BMPR1B: variants seen among roughly 807,000 people sequenced by gnomAD.
The protein encoded by BMPR1B is bone morphogenetic protein receptor type-1B.
BMPR1B carries 12 observed loss-of-function variants against 59.1 expected under a neutral mutation model. The observed-to-expected ratio is 0.20, with a 90% CI of 0.13 to 0.33. The LOEUF is 0.33. Among genes scored for constraint, BMPR1B ranks in the 10% least tolerant of loss-of-function variants. The pLI is 1.00. For synonymous variants in BMPR1B, 237 were observed against 207.3 expected (o/e 1.14, Z -1.23); for missense variants, 550 against 610.9 (o/e 0.90, Z 1.05).
intron 6 of BMPR1B, among the ~76,000 whole-genome samples, chr4:95,116,419 G>GCACA (rs1168592798): frequency 0.013 from 683 of 51,048 alleles, 1 homozygote; most frequent in African/African-American, 0.034. Context: ...CTTTCAGCGC[G>GCACA]CGCACACACA....
intron 2 of BMPR1B, among the ~76,000 whole-genome samples, chr4:94,969,965 TA>T: frequency 6.6e-6 from 1 of 152,354 alleles, no homozygotes; most frequent in Non-Finnish European, 1.5e-5. Context: ...GGTGATACTT[TA>T]AAGAATTTTT....
At chr4:95,021,788 A>G (rs1042126108) in intron 3 of BMPR1B, among the ~76,000 whole-genome samples, 7 of 152,356 alleles carry the variant, frequency 4.6e-5, no homozygotes, top group African/African-American at 1.4e-4. Flanking sequence ...AATGAACACT[A>G]TTAATGCTGC....
At chr4:94,937,725 C>CACACACACACACACAG (rs1729372315) in intron 2 of BMPR1B, among the ~76,000 whole-genome samples, 1 of 151,514 alleles carries the variant, frequency 6.6e-6, no homozygotes, top group African/African-American at 2.4e-5. Context: ...CACAGACACA[C>CACACACACACACACAG]ACACACACAC....
chr4:94,840,917 A>T (rs1725033267), intron 1 of BMPR1B, among the ~76,000 whole-genome samples: 1 of 146,362 alleles, frequency 6.8e-6, no homozygotes, highest in Middle Eastern at 3.3e-3. Context: ...GTCTTTGATG[A>T]TGGTGATGTA....
At chr4:95,078,563 A>G (rs1728879043) in intron 3 of BMPR1B, among the ~76,000 whole-genome samples, 1 of 152,158 alleles carries the variant, frequency 6.6e-6, no homozygotes. Context: ...TAGAGAAACT[A>G]ATGAATTTAG....
chr4:94,829,516 C>T (rs1724498810), intron 1 of BMPR1B, among the ~76,000 whole-genome samples: 1 of 152,120 alleles, frequency 6.6e-6, no homozygotes, highest in Non-Finnish European at 1.5e-5. Flanking sequence ...CTTGTCACCT[C>T]AGCCTCCCAA....
At chr4:95,091,675 T>C (rs756898741) in intron 3 of BMPR1B, 201 of 981,168 alleles carry the variant, frequency 2.0e-4, no homozygotes, top group Middle Eastern at 5.2e-4. Flanking sequence ...GTTTTTTTTT[T>C]CCCTCCAAAA....
At chr4:94,956,762 A>C (rs972327109) in intron 2 of BMPR1B, among the ~76,000 whole-genome samples, 11 of 152,060 alleles carry the variant, frequency 7.2e-5, no homozygotes, top group Non-Finnish European at 1.5e-4. Context: ...CCTTTGATGG[A>C]AGTAGAGTTT....
intron 3 of BMPR1B, chr4:95,051,890 A>G: frequency 1.0e-6 from 1 of 980,254 alleles, no homozygotes; most frequent in Non-Finnish European, 1.5e-6. Context: ...ATAAAGTTCC[A>G]TCCCCCATTC....
chr4:94,954,324 T>C (rs535320518), intron 2 of BMPR1B, among the ~76,000 whole-genome samples: 1 of 152,348 alleles, frequency 6.6e-6, no homozygotes, highest in Non-Finnish European at 1.5e-5. Flanking sequence ...TCTACTCATA[T>C]ACTTCATGGC....
chr4:95,018,372 A>G (rs894420704), intron 3 of BMPR1B, among the ~76,000 whole-genome samples: 1 of 152,188 alleles, frequency 6.6e-6, no homozygotes, highest in African/African-American at 2.4e-5. Context: ...CTGATTAATA[A>G]TATTTCCAGA....
Position 94,785,998 on chromosome 4 carries a change from A to C in BMPR1B, c.-183+27930A>C, listed in dbSNP as rs575591813. 3.3e-5 allele frequency among the ~76,000 whole-genome samples: 5 copies of C among 152,308 alleles called. No homozygotes were observed. In the East Asian group the frequency reaches 9.7e-4, roughly 29 times the overall value. ...CTCCTCAAGATCTGGCCACATCATC[A>C]CTCACTACTTCTAGGCTGAATTGCT... is the stretch of plus-strand genomic sequence containing the variant. On this transcript the variant is annotated intron_variant, in intron 1 of 12. Coordinates refer to ENST00000515059, the MANE Select transcript of BMPR1B (RefSeq NM_001203.3).
chr4:95,082,469 T>C (rs915564241), intron 3 of BMPR1B, among the ~76,000 whole-genome samples: 20 of 152,206 alleles, frequency 1.3e-4, no homozygotes, highest in Admixed American at 5.2e-4. Context: ...ATGAGAGTAG[T>C]AACCCTTACA....
At chr4:95,087,182 C>T (rs1224184096) in intron 3 of BMPR1B, among the ~76,000 whole-genome samples, 1 of 151,914 alleles carries the variant, frequency 6.6e-6, no homozygotes, top group Non-Finnish European at 1.5e-5. Context: ...TGTGTGCCAC[C>T]ACACCTGGCT....
intron 2 of BMPR1B, among the ~76,000 whole-genome samples, chr4:94,956,607 G>T (rs1437781785): frequency 1.3e-5 from 2 of 152,100 alleles, no homozygotes; most frequent in African/African-American, 4.8e-5. Flanking sequence ...ATAGAGTTCT[G>T]CATTTAATTT....
At chr4:95,073,708 C>T (rs1352150741) in intron 3 of BMPR1B, among the ~76,000 whole-genome samples, 1 of 152,158 alleles carries the variant, frequency 6.6e-6, no homozygotes, top group East Asian at 1.9e-4. Flanking sequence ...CAATAAACAT[C>T]TAATACAAAA....
intron 1 of BMPR1B, among the ~76,000 whole-genome samples, chr4:94,790,986 TTTTG>T (rs1006768893): frequency 1.7e-4 from 26 of 152,204 alleles, no homozygotes; most frequent in African/African-American, 4.6e-4. Context: ...AAGTAGGTCT[TTTTG>T]TTTGTTTGTT....
intron 10 of BMPR1B, among the ~76,000 whole-genome samples, chr4:95,137,890 C>A (rs191123825): frequency 6.6e-6 from 1 of 152,264 alleles, no homozygotes; most frequent in East Asian, 1.9e-4. Context: ...TTAATTGGAG[C>A]ATTCAGCCCA....
At chr4:95,076,370 T>C (rs529920514) in intron 3 of BMPR1B, among the ~76,000 whole-genome samples, 1 of 152,236 alleles carries the variant, frequency 6.6e-6, no homozygotes, top group Admixed American at 6.5e-5. Flanking sequence ...AAAAATACTT[T>C]ATACTTAGAA....
Sources: gnomAD v4.1 joint callset for allele counts (sites outside exome capture counted in the v4.1 genomes callset) on GRCh38, gnomAD v4.1.1 for gene constraint, MANE v1.5 for transcripts, NCBI Gene and HGNC (gene_info 2026-07-23, HGNC 2026-07-21) for gene names.